The following KRABD5 variants were observed in gnomAD, a reference collection of about 807,000 sequenced individuals.
KRABD5 encodes the protein KRAB domain-containing protein 5.
At chr16:31,753,784 C>A in the KRABD5 span, 1 of 1,519,356 alleles carries the variant, frequency 6.6e-7, no homozygotes, top group South Asian at 1.3e-5. Context: ...TCTCATGATA[C>A]TCAAGGCCTC....
At chr16:31,747,285 C>T in the KRABD5 span, among the ~76,000 whole-genome samples, 1 of 151,972 alleles carries the variant, frequency 6.6e-6, no homozygotes, top group Non-Finnish European at 1.5e-5. Flanking sequence ...TGATGGTTTC[C>T]AGCTTCATCC....
the KRABD5 span, among the ~76,000 whole-genome samples, chr16:31,730,680 A>T: frequency 6.6e-6 from 1 of 151,964 alleles, no homozygotes; most frequent in Admixed American, 6.5e-5. Flanking sequence ...TAAAATATGT[A>T]TATTTGTTCA....
chr16:31,759,460 A>C, the KRABD5 span: 1 of 1,500,860 alleles, frequency 6.7e-7, no homozygotes, highest in African/African-American at 1.4e-5. Flanking sequence ...TGTTGCTTCG[A>C]AAAGGGGTGA....
chr16:31,761,115 T>C, the KRABD5 span: 1 of 152,180 alleles, frequency 6.6e-6, no homozygotes, highest in Non-Finnish European at 1.5e-5. Flanking sequence ...TTGGAACAGT[T>C]ATGCAAGACA....
chr16:31,713,249 T>TA, the KRABD5 span: 4 of 708,168 alleles, frequency 5.6e-6, no homozygotes, highest in South Asian at 7.3e-5. Flanking sequence ...CTTCCGGGAT[T>TA]TGGCGGTGGC....
At chr16:31,730,415 A>G in the KRABD5 span, among the ~76,000 whole-genome samples, 1 of 152,064 alleles carries the variant, frequency 6.6e-6, no homozygotes, top group South Asian at 2.1e-4. Flanking sequence ...TAAAAAATCT[A>G]CTGATAACAT....
chr16:31,744,340 A>G, the KRABD5 span, among the ~76,000 whole-genome samples: 5 of 151,772 alleles, frequency 3.3e-5, no homozygotes, highest in Non-Finnish European at 7.4e-5. Flanking sequence ...TGAAGGAATG[A>G]TAAATTTTAT....
chr16:31,759,660 A>C, the KRABD5 span: 3 of 324,678 alleles, frequency 9.2e-6, no homozygotes, highest in Non-Finnish European at 1.2e-5. Flanking sequence ...TATATATTTT[A>C]TTTTTATGTC....
the KRABD5 span, among the ~76,000 whole-genome samples, chr16:31,732,631 T>C: frequency 9.2e-5 from 14 of 152,332 alleles, 1 homozygote; most frequent in East Asian, 2.1e-3. Flanking sequence ...TTTATGTTGT[T>C]CCTGTATTTG....
At chr16:31,759,515 T>A in the KRABD5 span, 1 of 1,213,098 alleles carries the variant, frequency 8.2e-7, no homozygotes, top group Non-Finnish European at 1.2e-6. Context: ...ACAGTTAAGG[T>A]TTATGCCTTG....
the KRABD5 span, among the ~76,000 whole-genome samples, chr16:31,725,366 C>T: frequency 1.3e-5 from 2 of 152,202 alleles, no homozygotes; most frequent in African/African-American, 2.4e-5. Context: ...GATCCGCACA[C>T]CTCGTCCTCC....
the KRABD5 span, among the ~76,000 whole-genome samples, chr16:31,731,871 G>A: frequency 6.6e-6 from 1 of 152,114 alleles, no homozygotes. Flanking sequence ...TACATCCAGG[G>A]GCACAGATGG....
At chr16:31,758,997 T>C in the KRABD5 span, 1 of 172,136 alleles carries the variant, frequency 5.8e-6, no homozygotes, top group Admixed American at 5.8e-5. Context: ...GTTTTATATT[T>C]AAGACAGTAT....
the KRABD5 span, chr16:31,755,472 G>A: frequency 6.5e-6 from 3 of 464,564 alleles, no homozygotes; most frequent in African/African-American, 4.0e-5. Context: ...CTTTACAAAT[G>A]TAAAGCATGT....
the KRABD5 span, among the ~76,000 whole-genome samples, chr16:31,724,470 G>A: frequency 2.0e-5 from 3 of 151,998 alleles, no homozygotes; most frequent in African/African-American, 4.8e-5. Context: ...GGCGGATCAT[G>A]AGGTCAGGAG....
chr16:31,755,337 C>A, the KRABD5 span: 1 of 504,950 alleles, frequency 2.0e-6, no homozygotes. Context: ...AATTGTAGTT[C>A]ACGCCTTACT....
At chr16:31,721,966 C>G in the KRABD5 span, among the ~76,000 whole-genome samples, 1 of 152,232 alleles carries the variant, frequency 6.6e-6, no homozygotes, top group Non-Finnish European at 1.5e-5. Context: ...CTCTAAGTCA[C>G]CATGACTTTT....
At chr16:31,722,886 T>A in the KRABD5 span, 10 of 856,920 alleles carry the variant, frequency 1.2e-5, no homozygotes, top group East Asian at 3.1e-5. Context: ...GAAAAAAAAA[T>A]TGTGGGTTTG....
chr16:31,744,863 G>T, the KRABD5 span, among the ~76,000 whole-genome samples: 2 of 151,856 alleles, frequency 1.3e-5, no homozygotes, highest in Non-Finnish European at 2.9e-5. Context: ...TAGGGTGTAT[G>T]TGTCCAGGAA....
Sources: gnomAD v4.1 joint callset for allele counts (sites outside exome capture counted in the v4.1 genomes callset) on GRCh38, gnomAD v4.1.1 for gene constraint, MANE v1.5 for transcripts, NCBI Gene and HGNC (gene_info 2026-07-23, HGNC 2026-07-21) for gene names.